The following LYPLAL1 variants were observed in gnomAD, a reference collection of about 807,000 sequenced individuals.
LYPLAL1 encodes the protein lysophospholipase-like protein 1.
In LYPLAL1, 23 loss-of-function variants were observed where a neutral mutation model predicts 19.7. That is an observed-to-expected ratio of 1.17 (90% confidence interval 0.84 to 1.65). The LOEUF (loss-of-function observed/expected upper bound fraction) is 1.65, where lower values mean the gene tolerates loss of function less well. Ranked by LOEUF, LYPLAL1 falls within the 40% of genes most tolerant of loss-of-function variation. LYPLAL1 has a pLI of 0.00. For missense variants in LYPLAL1, 355 were observed against 279.4 expected (o/e 1.27, Z -1.93); for synonymous variants, 119 against 96.3 (o/e 1.24, Z -1.38).
At chr1:219,390,725 T>C in the LYPLAL1 span, among the ~76,000 whole-genome samples, 1 of 152,188 alleles carries the variant, frequency 6.6e-6, no homozygotes, top group African/African-American at 2.4e-5. Flanking sequence ...GGCCCTTTTC[T>C]TGAGTTTTTC....
At chr1:219,227,175 G>A in the LYPLAL1 span, among the ~76,000 whole-genome samples, 1 of 152,168 alleles carries the variant, frequency 6.6e-6, no homozygotes, top group Admixed American at 6.5e-5. Flanking sequence ...AGAGATTTTG[G>A]TAAGCAACGC....
At chr1:219,193,282 CTG>C (rs755837193) in intron 3 of LYPLAL1, 31 bp downstream of exon 3, 3 of 1,565,880 alleles carry the variant, frequency 1.9e-6, no homozygotes, top group Non-Finnish European at 1.7e-6. Flanking sequence ...TAATTTATCA[CTG>C]TTCACTTTTG....
At chr1:219,192,998 C>A in intron 2 of LYPLAL1, 84 bp from the exon 3 acceptor site, 3 of 1,288,030 alleles carry the variant, frequency 2.3e-6, no homozygotes, top group Non-Finnish European at 3.1e-6. Context: ...TTATTCAAAA[C>A]ACTATTATTT....
the LYPLAL1 span, among the ~76,000 whole-genome samples, chr1:219,439,217 AG>A: frequency 1.3e-5 from 2 of 152,086 alleles, no homozygotes; most frequent in African/African-American, 2.4e-5. Flanking sequence ...ACTTCCCTTG[AG>A]TTTACTGAAG....
the LYPLAL1 span, among the ~76,000 whole-genome samples, chr1:219,246,052 T>C: frequency 6.6e-6 from 1 of 152,176 alleles, no homozygotes; most frequent in Non-Finnish European, 1.5e-5. Flanking sequence ...CTAAAGAATG[T>C]TATGAGTGAA....
At chr1:219,256,016 A>G in the LYPLAL1 span, among the ~76,000 whole-genome samples, 1 of 151,794 alleles carries the variant, frequency 6.6e-6, no homozygotes, top group Non-Finnish European at 1.5e-5. Flanking sequence ...TATAAGATAC[A>G]TTTGACTATA....
intron 3 of LYPLAL1, among the ~76,000 whole-genome samples, chr1:219,200,951 A>G (rs978322164): frequency 6.6e-6 from 1 of 152,168 alleles, no homozygotes; most frequent in African/African-American, 2.4e-5. Context: ...TTTGAATCTA[A>G]CTTTATTTCA....
At chr1:219,367,117 G>A in the LYPLAL1 span, among the ~76,000 whole-genome samples, 57 of 151,802 alleles carry the variant, frequency 3.8e-4, no homozygotes, top group Admixed American at 2.7e-3. Flanking sequence ...GAAATATCTC[G>A]CTTTTATTAT....
At chr1:219,435,635 G>T in the LYPLAL1 span, among the ~76,000 whole-genome samples, 1 of 152,014 alleles carries the variant, frequency 6.6e-6, no homozygotes, top group African/African-American at 2.4e-5. Context: ...GACCAGCCTG[G>T]CCAACATAGT....
the LYPLAL1 span, among the ~76,000 whole-genome samples, chr1:219,265,870 A>AAAAAGTACAGT: frequency 6.6e-6 from 1 of 152,138 alleles, no homozygotes; most frequent in Non-Finnish European, 1.5e-5. Context: ...CTAAACACAG[A>AAAAAGTACAGT]AAAAGTACAG....
At chr1:219,427,592 C>G in the LYPLAL1 span, among the ~76,000 whole-genome samples, 1 of 152,188 alleles carries the variant, frequency 6.6e-6, no homozygotes, top group African/African-American at 2.4e-5. Flanking sequence ...ATGACAGTGA[C>G]TCTGATTGTC....
At chr1:219,180,591 G>A (rs977049085) in intron 2 of LYPLAL1, among the ~76,000 whole-genome samples, 1 of 152,064 alleles carries the variant, frequency 6.6e-6, no homozygotes, top group African/African-American at 2.4e-5. Context: ...CTTTGAAAAT[G>A]TCAAAAAAGC....
chr1:219,340,596 A>G, the LYPLAL1 span, among the ~76,000 whole-genome samples: 1 of 152,022 alleles, frequency 6.6e-6, no homozygotes, highest in Non-Finnish European at 1.5e-5. Context: ...TTAGAATTTT[A>G]CTGTTCTTCT....
the LYPLAL1 span, among the ~76,000 whole-genome samples, chr1:219,385,428 G>C: frequency 6.6e-6 from 1 of 152,086 alleles, no homozygotes; most frequent in South Asian, 2.1e-4. Flanking sequence ...GAAATAGTTG[G>C]CCTATCCTTG....
the LYPLAL1 span, among the ~76,000 whole-genome samples, chr1:219,394,516 A>G: frequency 6.6e-6 from 1 of 152,198 alleles, no homozygotes; most frequent in Admixed American, 6.5e-5. Flanking sequence ...CCTGGCAGCT[A>G]CCATTCTACT....
chr1:219,298,286 G>A, the LYPLAL1 span, among the ~76,000 whole-genome samples: 5,847 of 152,134 alleles, frequency 0.038, 162 homozygotes, highest in Non-Finnish European at 0.055. Context: ...CTCCAGCCTC[G>A]GTGCTGGAGT....
chr1:219,281,798 A>AT, the LYPLAL1 span, among the ~76,000 whole-genome samples: 1 of 151,880 alleles, frequency 6.6e-6, no homozygotes, highest in Non-Finnish European at 1.5e-5. Context: ...CAGAAATTAG[A>AT]TTTTTTCTTT....
the LYPLAL1 span, among the ~76,000 whole-genome samples, chr1:219,398,806 G>A: frequency 6.6e-6 from 1 of 152,192 alleles, no homozygotes; most frequent in Admixed American, 6.5e-5. Flanking sequence ...GTTTCTGAAA[G>A]ATTTTAGGGG....
intron 2 of LYPLAL1, among the ~76,000 whole-genome samples, chr1:219,188,733 A>G (rs769447169): frequency 5.7e-4 from 86 of 151,090 alleles, no homozygotes; most frequent in African/African-American, 1.2e-3. Context: ...TATTTTACCA[A>G]TGTGTAATGG....
Sources: gnomAD v4.1 joint callset for allele counts (sites outside exome capture counted in the v4.1 genomes callset) on GRCh38, gnomAD v4.1.1 for gene constraint, MANE v1.5 for transcripts, NCBI Gene and HGNC (gene_info 2026-07-23, HGNC 2026-07-21) for gene names.